Variants in CABIN1 observed in about 807,000 individuals in gnomAD.
The protein encoded by CABIN1 is calcineurin binding protein 1, also known as calcineurin-binding protein cabin-1.
CABIN1 carries 133 observed loss-of-function variants against 227.7 expected under a neutral mutation model. The observed-to-expected ratio is 0.58, with a 90% CI of 0.51 to 0.67. CABIN1 has a LOEUF of 0.67. CABIN1 is among the 30% of genes least tolerant of loss of function. The probability of loss-of-function intolerance (pLI) is 0.00; values close to 1 mark genes in which losing one functional copy is unlikely to be tolerated. For missense variants in CABIN1, 2,408 were observed against 2,852.5 expected (o/e 0.84, Z 3.55); for synonymous variants, 1,086 against 1,155.1 (o/e 0.94, Z 1.21).
chr22:24,090,141 A>G (rs1372759523), intron 23 of CABIN1, among the ~76,000 whole-genome samples: 3 of 152,184 alleles, frequency 2.0e-5, no homozygotes, highest in East Asian at 3.8e-4. Context: ...GGACAGGGAC[A>G]TTGGCATTGT....
chr22:24,030,845 C>T (rs1381705008), intron 1 of CABIN1, among the ~76,000 whole-genome samples: 4 of 152,204 alleles, frequency 2.6e-5, no homozygotes, highest in African/African-American at 9.6e-5. Context: ...ATTCATCTGT[C>T]CTGAGAGGCC....
intron 19 of CABIN1, among the ~76,000 whole-genome samples, chr22:24,081,721 T>C (rs1040592951): frequency 3.9e-5 from 6 of 152,178 alleles, no homozygotes; most frequent in Non-Finnish European, 7.3e-5. Context: ...CTTTTTTCTA[T>C]TTTTATTATT....
chr22:24,085,203 C>T, intron 22 of CABIN1, 52 bp downstream of exon 22: 2 of 1,605,280 alleles, frequency 1.2e-6, no homozygotes, highest in Non-Finnish European at 8.5e-7. Flanking sequence ...ACTGGGGTGA[C>T]TCCAGCTCAG....
chr22:24,049,201 C>T lies in CABIN1; in HGVS notation c.637C>T (p.Leu213Phe). 6.2e-7 allele frequency: 1 copy of T among 1,613,982 alleles called. No homozygotes were observed. The highest frequency in any genetic ancestry group is 8.5e-7 in the Non-Finnish European group (1 of 1,179,992). The change falls in exon 7 of 37, where the codon CTC becomes TTC. Residue 213 changes from leucine (L) to phenylalanine (F), a missense_variant. By Grantham distance (22) the Leu-to-Phe change is conservative. Around this residue, in one of 3 missense-constraint regions of CABIN1, gnomAD observed 1,045 missense variants for 1,168.4 expected, o/e 0.89. Coordinates refer to ENST00000263119, the MANE Select transcript of CABIN1 (RefSeq NM_012295.4). ...EEQPCLRKDS[L>F]RMFLKCDMSI... ...GCAGCCTTGTCTCCGGAAGGACTCT[C>T]TCAGAATGTTCCTCAAATGGTAAGT...
At chr22:24,155,210 G>C (rs1202249483) in intron 29 of CABIN1, among the ~76,000 whole-genome samples, 1 of 152,126 alleles carries the variant, frequency 6.6e-6, no homozygotes, top group Non-Finnish European at 1.5e-5. Context: ...GTGCACACTG[G>C]AGCTGTGAGT....
At chr22:24,142,163 C>A (rs569001412) in intron 29 of CABIN1, among the ~76,000 whole-genome samples, 54 of 152,170 alleles carry the variant, frequency 3.5e-4, no homozygotes, top group African/African-American at 1.3e-3. Context: ...GTACAGTGGA[C>A]CCACCTTCCA....
chr22:24,014,717 TGA>T (rs1264810399), intron 1 of CABIN1, among the ~76,000 whole-genome samples: 1 of 152,208 alleles, frequency 6.6e-6, no homozygotes, highest in Non-Finnish European at 1.5e-5. Flanking sequence ...GACTGATTTC[TGA>T]GAGTCAGAGC....
At chr22:24,053,316 T>C (rs1164177445) in intron 8 of CABIN1, among the ~76,000 whole-genome samples, 1 of 151,914 alleles carries the variant, frequency 6.6e-6, no homozygotes, top group East Asian at 1.9e-4. Flanking sequence ...GACCTTGTGA[T>C]CTGCCCGCCT....
intron 29 of CABIN1, among the ~76,000 whole-genome samples, chr22:24,147,030 C>T (rs2045162309): frequency 6.6e-6 from 1 of 152,226 alleles, no homozygotes; most frequent in African/African-American, 2.4e-5. Flanking sequence ...GCTATTTTTT[C>T]CCTAGTGGGA....
At chr22:24,091,936 G>A (rs1284774650) in intron 24 of CABIN1, 93 bp downstream of exon 24, 13 of 1,516,774 alleles carry the variant, frequency 8.6e-6, no homozygotes, top group East Asian at 4.6e-5. Flanking sequence ...TCCAGTGACC[G>A]TCCTTCAACC....
Position 24,039,976 on chromosome 22 carries a change from C to G in CABIN1, c.211-1163C>G, listed in dbSNP as rs191832329. ...GGTGTCCTAGAGGGACTTGCTCGGG[C>G]AAGCCTTTCAGGGTGGATGGAGAGT... On this transcript the variant is annotated intron_variant, in intron 4 of 36. Coordinates refer to ENST00000263119, the MANE Select transcript of CABIN1 (RefSeq NM_012295.4). Among the ~76,000 whole-genome samples the G allele has an allele frequency of 2.5e-3, 379 of 152,330 alleles. 1 individual carries two copies. The highest frequency in any genetic ancestry group is 4.3e-3 in the Non-Finnish European group (294 of 68,030).
intron 29 of CABIN1, among the ~76,000 whole-genome samples, chr22:24,152,773 G>A (rs1399809767): frequency 1.3e-5 from 2 of 152,162 alleles, no homozygotes; most frequent in African/African-American, 4.8e-5. Context: ...AACATGGTGA[G>A]ACCCCATCTC....
At chr22:24,013,354 A>G (rs941709216) in intron 1 of CABIN1, among the ~76,000 whole-genome samples, 3 of 151,126 alleles carry the variant, frequency 2.0e-5, no homozygotes, top group African/African-American at 7.3e-5. Context: ...CTCTCACCAT[A>G]CCCTGCTAGT....
Position 24,162,886 on chromosome 22 carries a change from A to G in CABIN1, c.4747-1514A>G, listed in dbSNP as rs182882159. Among the ~76,000 whole-genome samples the G allele has an allele frequency of 9.8e-5, 15 of 152,328 alleles. No individual in the cohort carries two copies. In the East Asian group the frequency reaches 1.2e-3, roughly 12 times the overall value. On this transcript the variant is annotated intron_variant, in intron 29 of 36. Coordinates refer to ENST00000263119, the MANE Select transcript of CABIN1 (RefSeq NM_012295.4). ...CTCACGGGTGTGTCTGTTGGTGTCT[A>G]TGTGCCCTGGGAGGTGCAGGGATGG...
chr22:24,157,144 G>A (rs1016118350), intron 29 of CABIN1, among the ~76,000 whole-genome samples: 23 of 152,248 alleles, frequency 1.5e-4, no homozygotes, highest in Admixed American at 1.4e-3. Flanking sequence ...AGAGAGGCCC[G>A]CCCTGATAGG....
chr22:24,024,651 AC>A (rs1356268089), intron 1 of CABIN1, among the ~76,000 whole-genome samples: 1 of 152,168 alleles, frequency 6.6e-6, no homozygotes, highest in Admixed American at 6.5e-5. Context: ...TATGATACAT[AC>A]GTTAGTTTTC....
In CABIN1 at chr22:24,083,346, A is replaced by G; in HGVS notation, c.2867A>G (p.Lys956Arg). The change falls in exon 20 of 37, where the codon AAG (lysine) becomes AGG (arginine). Residue 956 changes from lysine (K) to arginine (R), a missense_variant. Lys to Arg is a conservative substitution (Grantham distance 26, BLOSUM62 2). Transcript: ENST00000263119. ...TACTGCCTGTACAGCTTCCCCAGCA[A>G]GAAGAGTAAGGCCAGGTACCTGGAG... ...CFYCLYSFPSKKSKARYLEEH... is the reference protein window; with the variant it reads ...CFYCLYSFPSRKSKARYLEEH... 1.2e-6 allele frequency: 2 copies of G among 1,613,978 alleles called. No individual in the cohort carries two copies. Among genetic ancestry groups the G allele is most frequent in the Non-Finnish European group, 1.7e-6 (2 of 1,180,030 alleles).
At chr22:24,012,892 C>CT (rs1343451261) in intron 1 of CABIN1, among the ~76,000 whole-genome samples, 1 of 151,930 alleles carries the variant, frequency 6.6e-6, no homozygotes, top group African/African-American at 2.4e-5. Flanking sequence ...TCCCGAGTAG[C>CT]TGGGACTACA....
intron 1 of CABIN1, among the ~76,000 whole-genome samples, chr22:24,030,286 G>A (rs2036407205): frequency 6.6e-6 from 1 of 152,186 alleles, no homozygotes; most frequent in African/African-American, 2.4e-5. Flanking sequence ...ACTTTTTGCT[G>A]TGCTAGAAAG....
Sources: gnomAD v4.1 joint callset for allele counts (sites outside exome capture counted in the v4.1 genomes callset) on GRCh38, gnomAD v4.1.1 for gene constraint, gnomAD v4.1.1 regional missense constraint, MANE v1.5 for transcripts, NCBI Gene and HGNC (gene_info 2026-07-23, HGNC 2026-07-21) for gene names.